The following SCFD2 variants were observed in gnomAD, a reference collection of about 807,000 sequenced individuals.
The protein encoded by SCFD2 is sec1 family domain containing 2.
In SCFD2, 54 loss-of-function variants were observed where a neutral mutation model predicts 58.9. That is an observed-to-expected ratio of 0.92 (90% CI 0.74 to 1.15). The LOEUF is 1.15. Among genes scored for constraint, SCFD2 ranks in the 50% most tolerant of loss-of-function variants. The pLI is 0.00. For synonymous variants in SCFD2, 321 were observed against 335.9 expected, an observed-to-expected ratio of 0.96 and a Z score of 0.49; for missense variants, 805 against 836.6, an observed-to-expected ratio of 0.96 and a Z score of 0.47.
At chr4:53,035,193 T>G (rs886360840) in intron 5 of SCFD2, among the ~76,000 whole-genome samples, 1 of 152,158 alleles carries the variant, frequency 6.6e-6, no homozygotes, top group East Asian at 1.9e-4. Flanking sequence ...ATCTGATCTT[T>G]GACAAACCTG....
chr4:53,195,486 C>T (rs537045034), intron 4 of SCFD2, among the ~76,000 whole-genome samples: 1 of 152,152 alleles, frequency 6.6e-6, no homozygotes, highest in Non-Finnish European at 1.5e-5. Flanking sequence ...GGTCTGGGCT[C>T]ACTGAGATAT....
intron 4 of SCFD2, among the ~76,000 whole-genome samples, chr4:53,230,516 G>A (rs373289468): frequency 1.3e-5 from 2 of 150,490 alleles, no homozygotes; most frequent in Non-Finnish European, 2.9e-5. Context: ...GCAAACTATC[G>A]CAAGGACAAA....
intron 3 of SCFD2, among the ~76,000 whole-genome samples, chr4:53,295,096 T>G (rs1036169854): frequency 1.3e-5 from 2 of 152,168 alleles, no homozygotes; most frequent in African/African-American, 4.8e-5. Context: ...TTGTTCTTTT[T>G]GCTTAGGATT....
At chr4:53,284,073 C>T (rs1343481915) in intron 3 of SCFD2, among the ~76,000 whole-genome samples, 2 of 147,246 alleles carry the variant, frequency 1.4e-5, no homozygotes, top group African/African-American at 2.5e-5. Flanking sequence ...GAGCCGAGAT[C>T]GTGCCACTGT....
intron 4 of SCFD2, among the ~76,000 whole-genome samples, chr4:53,260,976 T>C (rs1412098597): frequency 1.3e-5 from 2 of 152,188 alleles, no homozygotes; most frequent in African/African-American, 4.8e-5. Context: ...TCCAGGAATT[T>C]ATCCATCTCC....
chr4:53,277,017 G>T lies in SCFD2; in HGVS notation c.1136-3016C>A, dbSNP rs1731347293. 2.6e-5 allele frequency among the ~76,000 whole-genome samples: 4 copies of T among 151,980 alleles called. No individual in the cohort carries two copies. In the South Asian group the frequency reaches 8.3e-4, roughly 32 times the overall value. Reference sequence around the variant, plus strand: ...CTTTTGCTCATTTTTTAATTAGGTTGTTTGTTTTCTTATTACTGAGTTGTG... The same window carrying T: ...CTTTTGCTCATTTTTTAATTAGGTTTTTTGTTTTCTTATTACTGAGTTGTG... On this transcript the variant is annotated intron_variant, in intron 3 of 8. Transcript: ENST00000401642.
intron 5 of SCFD2, among the ~76,000 whole-genome samples, chr4:53,124,973 G>A (rs1165734799): frequency 2.6e-5 from 4 of 152,148 alleles, no homozygotes; most frequent in Non-Finnish European, 5.9e-5. Context: ...ATGGAGTAAC[G>A]GAGGTAAAGA....
intron 5 of SCFD2, among the ~76,000 whole-genome samples, chr4:53,031,770 A>C (rs952118280): frequency 3.3e-5 from 5 of 152,240 alleles, no homozygotes; most frequent in African/African-American, 1.2e-4. Context: ...AAAGCCTCTA[A>C]GAACTATGGG....
chr4:53,299,026 A>C (rs563638061), intron 3 of SCFD2, among the ~76,000 whole-genome samples: 1 of 152,308 alleles, frequency 6.6e-6, no homozygotes, highest in South Asian at 2.1e-4. Flanking sequence ...GAAACTCTAA[A>C]AATCAGAGCG....
chr4:53,029,617 C>A (rs1456740040), intron 5 of SCFD2, among the ~76,000 whole-genome samples: 1 of 152,198 alleles, frequency 6.6e-6, no homozygotes, highest in Non-Finnish European at 1.5e-5. Context: ...TTTAGAAGCA[C>A]TATGGTAGGT....
intron 4 of SCFD2, among the ~76,000 whole-genome samples, chr4:53,248,622 C>A (rs948424392): frequency 1.3e-5 from 2 of 152,212 alleles, no homozygotes; most frequent in African/African-American, 4.8e-5. Context: ...ACCCCTGACC[C>A]CCGAGCAGCC....
At chr4:53,022,440 G>C (rs1722372117) in intron 5 of SCFD2, among the ~76,000 whole-genome samples, 1 of 152,080 alleles carries the variant, frequency 6.6e-6, no homozygotes, top group Admixed American at 6.5e-5. Context: ...CTTTTTGCTT[G>C]CTTGGTTTTC....
intron 2 of SCFD2, among the ~76,000 whole-genome samples, chr4:53,344,120 A>G (rs1424094094): frequency 6.6e-6 from 1 of 151,750 alleles, no homozygotes; most frequent in Non-Finnish European, 1.5e-5. Context: ...AGGTGAAAGA[A>G]ATAAAGGATA....
At chr4:53,035,289 T>C (rs1722726888) in intron 5 of SCFD2, among the ~76,000 whole-genome samples, 1 of 152,190 alleles carries the variant, frequency 6.6e-6, no homozygotes, top group Admixed American at 6.5e-5. Flanking sequence ...AAACTAAAAC[T>C]GGATCCCTTC....
chr4:53,052,820 TACTGCGACATGC>T lies in SCFD2; in HGVS notation c.1561+92501_1561+92512del, dbSNP rs1723220270. Among the ~76,000 whole-genome samples the T allele has an allele frequency of 2.0e-5, 3 of 152,120 alleles. No individual in the cohort carries two copies. The South Asian group carries it at 6.2e-4, about 31-fold the overall frequency. Reference sequence around the variant, plus strand: ...TGCAATACTACACAACAAACAAAGCTACTGCGACATGCAACAACATGATGGATCTGACAGACA... The same window carrying T: ...TGCAATACTACACAACAAACAAAGCTAACAACATGATGGATCTGACAGACA... On this transcript the variant is annotated intron_variant, in intron 5 of 8. Transcript: ENST00000401642.
At chr4:52,923,963 T>C (rs746248981) in intron 5 of SCFD2, among the ~76,000 whole-genome samples, 1 of 152,196 alleles carries the variant, frequency 6.6e-6, no homozygotes, top group Non-Finnish European at 1.5e-5. Flanking sequence ...CAATTATATC[T>C]AGGAGTTGAG....
chr4:52,952,444 C>G (rs1458750384), intron 5 of SCFD2, among the ~76,000 whole-genome samples: 1 of 152,072 alleles, frequency 6.6e-6, no homozygotes, highest in Non-Finnish European at 1.5e-5. Flanking sequence ...AGACTTGGCA[C>G]CTTAGAAAGG....
chr4:53,353,114 G>A (rs1473318502), intron 1 of SCFD2, among the ~76,000 whole-genome samples: 1 of 152,210 alleles, frequency 6.6e-6, no homozygotes, highest in Non-Finnish European at 1.5e-5. Flanking sequence ...CTTAAAGATG[G>A]TGTGTCCGGA....
At chr4:53,016,729 G>C (rs530615129) in intron 5 of SCFD2, among the ~76,000 whole-genome samples, 9 of 152,280 alleles carry the variant, frequency 5.9e-5, no homozygotes, top group African/African-American at 1.7e-4. Flanking sequence ...AACTGAGCTT[G>C]TAGGGATTTT....
Sources: allele counts gnomAD v4.1 joint callset (sites outside exome capture counted in the v4.1 genomes callset), GRCh38; gene constraint gnomAD v4.1.1; transcripts MANE v1.5; gene names NCBI Gene and HGNC (gene_info 2026-07-23, HGNC 2026-07-21).